The following CEPT1 variants were observed in gnomAD, a reference collection of about 807,000 sequenced individuals.
CEPT1 encodes choline/ethanolaminephosphotransferase 1.
In CEPT1, 7 loss-of-function variants were observed where a neutral mutation model predicts 42.6. The observed-to-expected ratio is 0.16, with a 90% CI of 0.09 to 0.31. The LOEUF (loss-of-function observed/expected upper bound fraction) is 0.31, where lower values mean the gene tolerates loss of function less well. Ranked by LOEUF, CEPT1 falls within the 10% of genes least tolerant of loss-of-function variation. The pLI is 1.00. For missense variants in CEPT1, 306 were observed against 502.1 expected, an observed-to-expected ratio of 0.61 and a Z score of 3.73; for synonymous variants, 171 against 171.9, an observed-to-expected ratio of 0.99 and a Z score of 0.04.
chr1:111,141,533 T>G (rs1486400299), intron 1 of CEPT1, among the ~76,000 whole-genome samples: 1 of 152,242 alleles, frequency 6.6e-6, no homozygotes, highest in East Asian at 1.9e-4. Flanking sequence ...GGTCATGCTG[T>G]GTTTATTTTT....
At chr1:111,145,991 G>A (rs1221049065) in intron 1 of CEPT1, among the ~76,000 whole-genome samples, 1 of 152,092 alleles carries the variant, frequency 6.6e-6, no homozygotes, top group African/African-American at 2.4e-5. Context: ...CCATTTCTGG[G>A]ACTTTGATTC....
intron 5 of CEPT1, among the ~76,000 whole-genome samples, chr1:111,177,726 A>C (rs1656755040): frequency 6.6e-6 from 1 of 152,136 alleles, no homozygotes; most frequent in African/African-American, 2.4e-5. Context: ...ATCCTTTTTA[A>C]ATTATATGTT....
chr1:111,167,209 A>C (rs1392453535), intron 4 of CEPT1: 1 of 985,176 alleles, frequency 1.0e-6, no homozygotes, highest in Non-Finnish European at 1.2e-6. Context: ...TAGAATATTC[A>C]TGCTATCTGA....
chr1:111,165,349 A>ATATGG (rs1472781140), intron 4 of CEPT1, among the ~76,000 whole-genome samples: 1 of 152,010 alleles, frequency 6.6e-6, no homozygotes. Context: ...CGCCCGGCCT[A>ATATGG]AAACATCGGT....
In CEPT1 at chr1:111,184,363, A is replaced by G. The variant is rs969960511; in HGVS notation, c.*53A>G. ...TGTTTTCTGCAGGAAAGAAAGTAAC[A>G]TATTAAGGAGAATGGGGGTGGATAA... On this transcript the variant is annotated 3_prime_UTR_variant, in exon 9 of 9. Transcript: ENST00000357172. The G allele has an allele frequency of 4.2e-6, 6 of 1,443,076 alleles. No homozygotes were observed. Among genetic ancestry groups the G allele is most frequent in the African/African-American group, 1.4e-5 (1 of 70,818 alleles). The allele number at this position is 1,443,076 out of a possible 1,614,324, so 89.4% of individuals were successfully genotyped here.
rs747933276 is a variant in CEPT1, at chr1:111,159,565, A to G, written c.487+38A>G. The G allele has an allele frequency of 7.2e-6, 11 of 1,534,330 alleles. No homozygotes were observed. The Admixed American group carries it at 7.2e-5, about 10-fold the overall frequency. On this transcript the variant is annotated intron_variant, in intron 3 of 8. Coordinates refer to ENST00000357172, the MANE Select transcript of CEPT1 (RefSeq NM_006090.5). ...TTTTTAATGTTATTGATTATTAACA[A>G]TGGTTAAACCAGTGTGCTAAGCAGT...
chr1:111,173,103 C>G (rs557697053), intron 4 of CEPT1: 1 of 152,294 alleles, frequency 6.6e-6, no homozygotes, highest in African/African-American at 2.4e-5. Context: ...TGGCCCTTCC[C>G]CTTCCAAAAG....
intron 5 of CEPT1, among the ~76,000 whole-genome samples, chr1:111,176,467 A>G (rs752992280): frequency 2.0e-5 from 3 of 152,140 alleles, no homozygotes; most frequent in Non-Finnish European, 2.9e-5. Context: ...TTTTCCCCCC[A>G]AAATTATTTG....
At chr1:111,161,908 G>A (rs1430061101) in intron 4 of CEPT1, among the ~76,000 whole-genome samples, 1 of 152,244 alleles carries the variant, frequency 6.6e-6, no homozygotes, top group Non-Finnish European at 1.5e-5. Context: ...AACCATGGAT[G>A]TAGGAGAAGA....
At chr1:111,161,954 GCTTT>G (rs1655897885) in intron 4 of CEPT1, among the ~76,000 whole-genome samples, 1 of 152,232 alleles carries the variant, frequency 6.6e-6, no homozygotes, top group African/African-American at 2.4e-5. Flanking sequence ...TGATATCACA[GCTTT>G]CTGTCTTCCA....
intron 4 of CEPT1, among the ~76,000 whole-genome samples, chr1:111,165,518 A>G (rs1323251565): frequency 6.6e-6 from 1 of 152,190 alleles, no homozygotes; most frequent in African/African-American, 2.4e-5. Context: ...TATCTTTTTT[A>G]TATATCAGCT....
In CEPT1 at chr1:111,184,312, G is replaced by T; in HGVS notation, c.*2G>T. On this transcript the variant is annotated 3_prime_UTR_variant, in exon 9 of 9. Transcript: ENST00000357172. ...ACAGCTCATTCTAATCATCATTAAT[G>T]ATGTAATTGGTATATAGGAACATCA... 1 of 1,609,590 alleles carries T rather than the reference G, an allele frequency of 6.2e-7. No individual in the cohort carries two copies. Among genetic ancestry groups the T allele is most frequent in the South Asian group, 1.1e-5 (1 of 90,454 alleles).
At chr1:111,183,288 T>TA (rs1298363667) in intron 7 of CEPT1, among the ~76,000 whole-genome samples, 174 bp from the exon 8 acceptor site, 2 of 152,226 alleles carry the variant, frequency 1.3e-5, no homozygotes, top group Non-Finnish European at 2.9e-5. Context: ...GTTGACATGA[T>TA]ACATCCCTTT....
rs183381440 is a variant in CEPT1, at chr1:111,152,476, G to C, written c.339+4423G>C. ...ATAAAGTTTAACAGTATTTTTGTCT[G>C]ACAAATCACACCCTAAATTTTATTG... On this transcript the variant is annotated intron_variant, in intron 2 of 8. Transcript: ENST00000357172. Among the ~76,000 whole-genome samples, 133 of 152,178 alleles carry C rather than the reference G, an allele frequency of 8.7e-4. 1 individual carries two copies. The highest frequency in any genetic ancestry group is 3.4e-3 in the Middle Eastern group (1 of 294).
chr1:111,182,422 A>AT, intron 6 of CEPT1, 104 bp downstream of exon 6: 1 of 1,248,276 alleles, frequency 8.0e-7, no homozygotes, highest in African/African-American at 1.5e-5. Context: ...TTAATTTATA[A>AT]TTTATACTTA....
chr1:111,148,646 T>C (rs1314211509), intron 2 of CEPT1, among the ~76,000 whole-genome samples: 1 of 152,222 alleles, frequency 6.6e-6, no homozygotes, highest in East Asian at 1.9e-4. Flanking sequence ...TGCTATTGCT[T>C]ACAAAGACTC....
In CEPT1 at chr1:111,184,216, G is replaced by A. The variant is rs778057254; in HGVS notation, c.1157G>A (p.Arg386His). Reference sequence around the variant, plus strand: ...GTTTTCTCTTTCTTTGATTTGATCCGCTACTGTGTCAGTGTTTGCAATCAG... The same window carrying A: ...GTTTTCTCTTTCTTTGATTTGATCCACTACTGTGTCAGTGTTTGCAATCAG... ...ALVFSFFDLI[R>H]YCVSVCNQIA... is the part of the protein sequence containing the mutation. Residue 386 changes from arginine (R) to histidine (H), a missense_variant, in exon 9 of 9, where the codon CGC (arginine) becomes CAC (histidine). Physicochemically the swap from Arg to His is conservative, Grantham distance 29. Coordinates refer to ENST00000357172, the MANE Select transcript of CEPT1 (RefSeq NM_006090.5). 31 of 1,613,310 alleles carry A rather than the reference G, an allele frequency of 1.9e-5. No individual in the cohort carries two copies. Among genetic ancestry groups the A allele is most frequent in the East Asian group, 1.1e-4 (5 of 44,862 alleles).
chr1:111,162,401 G>A (rs1655922374), intron 4 of CEPT1, among the ~76,000 whole-genome samples: 1 of 152,228 alleles, frequency 6.6e-6, no homozygotes, highest in Non-Finnish European at 1.5e-5. Context: ...GACACAATGT[G>A]TGTTTGGATG....
At chr1:111,169,325 C>T (rs1656303296) in intron 4 of CEPT1, among the ~76,000 whole-genome samples, 1 of 152,116 alleles carries the variant, frequency 6.6e-6, no homozygotes, top group Non-Finnish European at 1.5e-5. Context: ...TTTTTGATAG[C>T]CCCTTTTTTA....
Sources: gnomAD v4.1 joint callset for allele counts (sites outside exome capture counted in the v4.1 genomes callset) on GRCh38, gnomAD v4.1.1 for gene constraint, MANE v1.5 for transcripts, NCBI Gene and HGNC (gene_info 2026-07-23, HGNC 2026-07-21) for gene names.